Variants in SH3GL1 observed in about 807,000 individuals in gnomAD.
SH3GL1 encodes SH3 domain containing GRB2 like 1, endophilin A2.
In SH3GL1, 21 loss-of-function variants were observed where a neutral mutation model predicts 48.8. The ratio of observed to expected loss-of-function variants is 0.43; its 90% confidence interval spans 0.30 to 0.62. The LOEUF (loss-of-function observed/expected upper bound fraction) is 0.62. Ranked by LOEUF, SH3GL1 falls within the 20% of genes least tolerant of loss-of-function variation. The pLI, the probability that SH3GL1 is intolerant of heterozygous loss-of-function variation, is 0.11. For synonymous variants in SH3GL1, 282 were observed against 217.5 expected, an observed-to-expected ratio of 1.30 and a Z score of -2.61; for missense variants, 454 against 503.0, an observed-to-expected ratio of 0.90 and a Z score of 0.93.
intron 9 of SH3GL1, among the ~76,000 whole-genome samples, 160 bp from the exon 10 acceptor site, chr19:4,361,956 C>T (rs1972629235): frequency 6.6e-6 from 1 of 151,276 alleles, no homozygotes; most frequent in South Asian, 2.1e-4. Flanking sequence ...GGGGTCCGGC[C>T]TCTACTGCCA....
chr19:4,362,934 G>A (rs372928212), intron 7 of SH3GL1, among the ~76,000 whole-genome samples, 198 bp from the exon 8 acceptor site: 1 of 152,130 alleles, frequency 6.6e-6, no homozygotes, highest in Non-Finnish European at 1.5e-5. Context: ...CCCCCACCTT[G>A]GAGGCATCCC....
intron 3 of SH3GL1, 111 bp downstream of exon 3, chr19:4,366,390 T>C: frequency 3.7e-6 from 3 of 815,858 alleles, no homozygotes; most frequent in Middle Eastern, 3.4e-4. Flanking sequence ...GATCCAGCTG[T>C]GCCTGAAGCC....
intron 1 of SH3GL1, among the ~76,000 whole-genome samples, chr19:4,384,271 C>A (rs201745273): frequency 6.6e-6 from 1 of 152,240 alleles, no homozygotes; most frequent in East Asian, 1.9e-4. Flanking sequence ...CCGGACCACA[C>A]AGAGCTAACC....
Position 4,367,423 on chromosome 19 carries a change from T to TA in SH3GL1, c.46-430dup, listed in dbSNP as rs746066845. On this transcript the variant is annotated intron_variant, in intron 1 of 9. Coordinates refer to ENST00000269886, the MANE Select transcript of SH3GL1 (RefSeq NM_003025.4). The surrounding 1 kb of genome is among the most constrained non-coding windows in gnomAD (Gnocchi z 4.2). ...CATCCTTGAGTATGTGGGGTCTACT[T>TA]AAAAAAAAAAATCCTGCCAGCTTGG... Among the ~76,000 whole-genome samples the TA allele has an allele frequency of 0.049, 7,176 of 147,816 alleles. 347 individuals carry two copies. Among genetic ancestry groups the TA allele is most frequent in the African/African-American group, 0.13 (5,152 of 40,494 alleles).
chr19:4,360,951 T>C lies in SH3GL1; in HGVS notation c.*649A>G. ...GGGCCCTGCAGGAGACCATGTTCTC[T>C]GTCCTCAGGCAGATCCCAGCTGGCC... On this transcript the variant is annotated 3_prime_UTR_variant, in exon 10 of 10. Transcript: ENST00000269886. 4.3e-6 allele frequency: 1 copy of C among 233,472 alleles called. No individual in the cohort carries two copies. Among genetic ancestry groups the C allele is most frequent in the Non-Finnish European group, 8.5e-6 (1 of 118,182 alleles). 14.5% of individuals were successfully genotyped at this position (233,472 alleles called of 1,614,324 possible).
intron 1 of SH3GL1, among the ~76,000 whole-genome samples, chr19:4,379,808 G>A (rs1882930): frequency 0.026 from 3,931 of 152,266 alleles, 62 homozygotes; most frequent in Non-Finnish European, 0.043. Context: ...CACAAAGCAC[G>A]CCGCTCTGCC....
chr19:4,375,599 C>T (rs1972991596), intron 1 of SH3GL1, among the ~76,000 whole-genome samples: 2 of 152,240 alleles, frequency 1.3e-5, no homozygotes, highest in Admixed American at 1.3e-4. Context: ...CCAGTGAGTG[C>T]CTGGGGCTCC....
intron 1 of SH3GL1, among the ~76,000 whole-genome samples, chr19:4,381,117 CT>C (rs1973114254): frequency 2.4e-5 from 3 of 123,384 alleles, no homozygotes; most frequent in South Asian, 3.2e-4. Flanking sequence ...CTCTGTCCCC[CT>C]GCCTCTCTCT....
intron 6 of SH3GL1, 78 bp from the exon 7 acceptor site, chr19:4,363,551 C>CA: frequency 6.7e-7 from 1 of 1,499,720 alleles, no homozygotes; most frequent in Non-Finnish European, 9.2e-7. Context: ...GGTGAAGCCA[C>CA]AGGAGGCAAG....
chr19:4,372,800 C>T lies in SH3GL1; in HGVS notation c.46-5806G>A, dbSNP rs185078458. 1.8e-4 allele frequency among the ~76,000 whole-genome samples: 27 copies of T among 152,342 alleles called. No individual in the cohort carries two copies. In the East Asian group the frequency reaches 5.0e-3, roughly 28 times the overall value. ...AGGAAGCCACTGGCCTTCGTGTCCC[C>T]TTTTCCATGTGGGCTCCCAGGCTCC... On this transcript the variant is annotated intron_variant, in intron 1 of 9. Transcript: ENST00000269886.
chr19:4,362,379 G>C lies in SH3GL1; in HGVS notation c.860C>G (p.Ser287Trp). Residue 287 changes from serine to tryptophan, a missense_variant, in exon 9 of 10, where the codon TCG becomes TGG. By Grantham distance (177) the Ser-to-Trp change is radical (BLOSUM62 -3). Transcript: ENST00000269886. ...CTTAPKIAAS[S>W]SFRSSDKPIR... ...GGGCTTGTCGGAAGATCGGAAAGAC[G>C]ATGAAGCTAAACACAAGCAAAACGA... The C allele has an allele frequency of 6.2e-7, 1 of 1,611,444 alleles. No individual in the cohort carries two copies. The highest frequency in any genetic ancestry group is 8.5e-7 in the Non-Finnish European group (1 of 1,178,676).
intron 1 of SH3GL1, among the ~76,000 whole-genome samples, chr19:4,384,718 G>A (rs1973203098): frequency 6.6e-6 from 1 of 152,242 alleles, no homozygotes; most frequent in African/African-American, 2.4e-5. Flanking sequence ...TAGACACACT[G>A]TGGAATAACC....
chr19:4,370,485 C>A (rs1412396987), intron 1 of SH3GL1, among the ~76,000 whole-genome samples: 1 of 152,202 alleles, frequency 6.6e-6, no homozygotes, highest in East Asian at 1.9e-4. Flanking sequence ...GCTGACTGAA[C>A]CTGCATCAGG....
chr19:4,396,291 C>G (rs1402837685), intron 1 of SH3GL1, among the ~76,000 whole-genome samples: 1 of 151,882 alleles, frequency 6.6e-6, no homozygotes, highest in African/African-American at 2.4e-5. Flanking sequence ...CGCAGCTACT[C>G]GGGAGGCTGA....
chr19:4,400,135 G>C lies in SH3GL1; in HGVS notation c.45+189C>G, dbSNP rs1258470189. Among the ~76,000 whole-genome samples, 1 of 152,168 alleles carries C rather than the reference G, an allele frequency of 6.6e-6. No homozygotes were observed. Among genetic ancestry groups the C allele is most frequent in the Non-Finnish European group, 1.5e-5 (1 of 68,012 alleles). On this transcript the variant is annotated intron_variant, in intron 1 of 9. Transcript: ENST00000269886. This position sits in a 1 kb window ranked among gnomAD's most constrained non-coding sequence, Gnocchi z 4.1. Reference sequence around the variant, plus strand: ...GGCTCTGTCCCCGCTTCTGGAGCCCGCATGGCGGGCAGGGCCTGGGCCACC... The same window carrying C: ...GGCTCTGTCCCCGCTTCTGGAGCCCCCATGGCGGGCAGGGCCTGGGCCACC...
intron 1 of SH3GL1, among the ~76,000 whole-genome samples, chr19:4,383,254 A>T (rs1973171612): frequency 6.8e-6 from 1 of 146,494 alleles, no homozygotes; most frequent in Non-Finnish European, 1.5e-5. Context: ...TTGCTCTGTC[A>T]CCCAGGCTAG....
In SH3GL1 at chr19:4,361,626, C is replaced by T; in HGVS notation, c.1081G>A (p.Glu361Lys). ...CACTGCGGCAGGGGCACAAGCACCT[C>T]CACGTAGCTGAGCGGGAAGAAGCCC... ...QSGFFPLSYVEVLVPLPQ is the reference protein window; with the variant it reads ...QSGFFPLSYVKVLVPLPQ Residue 361 changes from glutamate (E) to lysine (K), a missense_variant, in exon 10 of 10, where the codon GAG becomes AAG. This residue lies in a region of SH3GL1 where 278 missense variants were observed against 246.8 expected (regional missense o/e 1.13). Coordinates refer to ENST00000269886, the MANE Select transcript of SH3GL1 (RefSeq NM_003025.4). 1 of 1,605,328 alleles carries T rather than the reference C, an allele frequency of 6.2e-7. No individual in the cohort carries two copies. Among genetic ancestry groups the T allele is most frequent in the Non-Finnish European group, 8.5e-7 (1 of 1,178,864 alleles).
At chr19:4,362,518 G>A in intron 8 of SH3GL1, 94 bp downstream of exon 8, 1 of 1,589,088 alleles carries the variant, frequency 6.3e-7, no homozygotes, top group East Asian at 2.3e-5. Flanking sequence ...CTGCACCCAG[G>A]AGTCTGGCGC....
At chr19:4,363,000 C>T (rs762648268) in intron 7 of SH3GL1, among the ~76,000 whole-genome samples, 6 of 152,166 alleles carry the variant, frequency 3.9e-5, no homozygotes, top group East Asian at 3.9e-4. Context: ...CACCCCCAGT[C>T]GCATCCCCTG....
Sources: allele counts gnomAD v4.1 joint callset (sites outside exome capture counted in the v4.1 genomes callset), GRCh38; gene constraint gnomAD v4.1.1; regional missense constraint gnomAD v4.1.1; non-coding constraint Gnocchi (gnomAD v3.1); transcripts MANE v1.5; gene names NCBI Gene and HGNC (gene_info 2026-07-23, HGNC 2026-07-21).